The following COL23A1 variants were observed in gnomAD, a reference collection of about 807,000 sequenced individuals.
COL23A1 encodes the protein collagen alpha-1(XXIII) chain.
COL23A1 carries 97 observed loss-of-function variants against 99.3 expected under a neutral mutation model. The observed-to-expected ratio is 0.98, with a 90% CI of 0.83 to 1.16. The LOEUF is 1.16. Among genes scored for constraint, COL23A1 ranks in the 50% most tolerant of loss-of-function variants. COL23A1 has a pLI of 0.00. For synonymous variants in COL23A1, 320 were observed against 308.2 expected, an observed-to-expected ratio of 1.04 and a Z score of -0.40; for missense variants, 762 against 757.4, an observed-to-expected ratio of 1.01 and a Z score of -0.07.
chr5:178,590,388 C>A lies in COL23A1; in HGVS notation c.-191G>T, dbSNP rs1562120169. 5 of 385,834 alleles carry A rather than the reference C, an allele frequency of 1.3e-5. No homozygotes were observed. The highest frequency in any genetic ancestry group is 2.1e-5 in the African/African-American group (1 of 46,738). 23.9% of individuals were successfully genotyped at this position (385,834 alleles called of 1,614,324 possible). A position where few individuals can be genotyped will look rare whatever the true frequency, so the allele number is the denominator to read the frequency against. On this transcript the variant is annotated 5_prime_UTR_variant, in exon 1 of 29. Transcript: ENST00000390654. This position sits in a 1 kb window ranked among gnomAD's most constrained non-coding sequence, Gnocchi z 5.7. ...GCTCCTCCACAGCGGCCACTTTGGG[C>A]AGTTTCCTCTATGCAAATAGACCCT...
chr5:178,389,107 G>A (rs980479390), intron 2 of COL23A1, among the ~76,000 whole-genome samples: 9 of 152,008 alleles, frequency 5.9e-5, no homozygotes, highest in Middle Eastern at 3.4e-3. Context: ...TGGCTGTCAC[G>A]CTCCCGTTGC....
chr5:178,508,795 G>T (rs1759027287), intron 2 of COL23A1, among the ~76,000 whole-genome samples: 1 of 152,208 alleles, frequency 6.6e-6, no homozygotes, highest in Admixed American at 6.5e-5. Context: ...TGGCTAGAGA[G>T]CAGGCTTTTG....
chr5:178,451,403 C>T (rs1425408740), intron 2 of COL23A1, among the ~76,000 whole-genome samples: 1 of 152,066 alleles, frequency 6.6e-6, no homozygotes, highest in African/African-American at 2.4e-5. Flanking sequence ...CACCTGTAAT[C>T]CCAGCACTTT....
chr5:178,258,725 C>T lies in COL23A1; in HGVS notation c.729+996G>A, dbSNP rs1354833656. ...TTTTTTGGTTTTTGAGACAAGGTCT[C>T]GCGCTGTTATCCAGGCTGGAGTGCA... is the stretch of plus-strand genomic sequence containing the variant. On this transcript the variant is annotated intron_variant, in intron 12 of 28. Coordinates refer to ENST00000390654, the MANE Select transcript of COL23A1 (RefSeq NM_173465.4). Among the ~76,000 whole-genome samples the T allele has an allele frequency of 5.9e-5, 9 of 151,920 alleles. No homozygotes were observed. The East Asian group carries it at 1.6e-3, about 26-fold the overall frequency.
In COL23A1 at chr5:178,352,865, A is replaced by G. The variant is rs572694266; in HGVS notation, c.362-45946T>C. On this transcript the variant is annotated intron_variant, in intron 2 of 28. Transcript: ENST00000390654. ...ACGTCTGTTTGTCCATCCTCCTCAC[A>G]CCGAATATTTTGGGGAGAAAATAAT... is the stretch of plus-strand genomic sequence containing the variant. Among the ~76,000 whole-genome samples, 5 of 152,294 alleles carry G rather than the reference A, an allele frequency of 3.3e-5. 1 individual carries two copies. In the South Asian group the frequency reaches 6.2e-4, roughly 19 times the overall value.
intron 1 of COL23A1, among the ~76,000 whole-genome samples, chr5:178,582,956 C>G (rs1441226744): frequency 6.6e-6 from 1 of 152,226 alleles, no homozygotes; most frequent in Non-Finnish European, 1.5e-5. Context: ...AGACATTCGT[C>G]CCTTTCACTC....
chr5:178,431,980 A>G (rs1766290032), intron 2 of COL23A1, among the ~76,000 whole-genome samples: 1 of 152,240 alleles, frequency 6.6e-6, no homozygotes, highest in Non-Finnish European at 1.5e-5. Flanking sequence ...TTCTCTGGGC[A>G]AAGAACAGAA....
intron 2 of COL23A1, among the ~76,000 whole-genome samples, chr5:178,464,633 C>T (rs1476123006): frequency 6.6e-6 from 1 of 152,166 alleles, no homozygotes; most frequent in Non-Finnish European, 1.5e-5. Flanking sequence ...GCAGGAAAGC[C>T]GGCTCCGTGC....
At chr5:178,348,367 C>T (rs1249872053) in intron 2 of COL23A1, among the ~76,000 whole-genome samples, 3 of 152,198 alleles carry the variant, frequency 2.0e-5, no homozygotes, top group Non-Finnish European at 4.4e-5. Context: ...GAGGAGGGGA[C>T]ACCTCAGGCA....
intron 2 of COL23A1, among the ~76,000 whole-genome samples, chr5:178,372,473 G>A (rs1380601281): frequency 1.3e-5 from 2 of 152,240 alleles, no homozygotes; most frequent in Admixed American, 6.5e-5. Context: ...CAGGGCTGGA[G>A]AACCAAAGCA....
intron 2 of COL23A1, among the ~76,000 whole-genome samples, chr5:178,452,435 A>C (rs1323370977): frequency 2.0e-5 from 3 of 152,218 alleles, no homozygotes; most frequent in African/African-American, 7.2e-5. Flanking sequence ...GGAAGTTTGC[A>C]GTGATGAGAA....
intron 2 of COL23A1, among the ~76,000 whole-genome samples, chr5:178,511,332 G>C (rs2127994687): frequency 6.6e-6 from 1 of 152,274 alleles, no homozygotes; most frequent in East Asian, 1.9e-4. Context: ...TCTCAACATT[G>C]AGAAGTTCTC....
At chr5:178,498,280 AT>A (rs1339270316) in intron 2 of COL23A1, among the ~76,000 whole-genome samples, 3 of 141,886 alleles carry the variant, frequency 2.1e-5, no homozygotes, top group East Asian at 4.0e-4. Context: ...AAATAAAAAA[AT>A]AAAAATAAAA....
chr5:178,356,060 C>T (rs899178806), intron 2 of COL23A1, among the ~76,000 whole-genome samples: 3 of 152,174 alleles, frequency 2.0e-5, no homozygotes, highest in African/African-American at 4.8e-5. Flanking sequence ...GTGCTGAGCA[C>T]GCTGCAGCAT....
In COL23A1 at chr5:178,366,201, G is replaced by T. The variant is rs1449321494; in HGVS notation, c.362-59282C>A. 6.6e-6 allele frequency among the ~76,000 whole-genome samples: 1 copy of T among 152,184 alleles called. No homozygotes were observed. The highest frequency in any genetic ancestry group is 1.5e-5 in the Non-Finnish European group (1 of 68,032). ...TCACCTCTTCCTCCCCGGAGCCCAG[G>T]GTTCACTCTGCAACTCTGCTGGCTG... On this transcript the variant is annotated intron_variant, in intron 2 of 28. Coordinates refer to ENST00000390654, the MANE Select transcript of COL23A1 (RefSeq NM_173465.4). The surrounding 1 kb of genome is among the most constrained non-coding windows in gnomAD (Gnocchi z 4.4).
At chr5:178,271,826 G>A (rs1435003563) in intron 5 of COL23A1, among the ~76,000 whole-genome samples, 1 of 152,202 alleles carries the variant, frequency 6.6e-6, no homozygotes, top group Admixed American at 6.5e-5. Context: ...GGCGGGGAGG[G>A]CCCTGTAAGC....
rs560134845 is a variant in COL23A1, at chr5:178,258,443, T to C, written c.730-876A>G. ...GGTGAGTCTCACTCTGTCGCCCAGG[T>C]TGGAGTGCAGTGGCACAATCTCGGC... On this transcript the variant is annotated intron_variant, in intron 12 of 28. Coordinates refer to ENST00000390654, the MANE Select transcript of COL23A1 (RefSeq NM_173465.4). Among the ~76,000 whole-genome samples the C allele has an allele frequency of 2.4e-3, 313 of 129,918 alleles. 1 individual carries two copies. Among genetic ancestry groups the C allele is most frequent in the Non-Finnish European group, 3.4e-3 (214 of 63,012 alleles). The allele number at this position is 129,918 out of a possible 152,430, so 85.2% of individuals were successfully genotyped here. A position where few individuals can be genotyped will look rare whatever the true frequency, so the allele number is the denominator to read the frequency against.
intron 2 of COL23A1, among the ~76,000 whole-genome samples, chr5:178,440,764 C>T (rs1336798737): frequency 1.2e-4 from 18 of 151,726 alleles, no homozygotes; most frequent in Non-Finnish European, 1.8e-4. Flanking sequence ...TACAGGTGCC[C>T]GCCACCATGC....
intron 2 of COL23A1, among the ~76,000 whole-genome samples, chr5:178,350,479 AGGGGTGGCT>A (rs1489837306): frequency 6.6e-6 from 1 of 152,054 alleles, no homozygotes; most frequent in Non-Finnish European, 1.5e-5. Context: ...GGATGAACAG[AGGGGTGGCT>A]GGGCCCAGCG....
Sources: gnomAD v4.1 joint callset for allele counts (sites outside exome capture counted in the v4.1 genomes callset) on GRCh38, gnomAD v4.1.1 for gene constraint, Gnocchi (gnomAD v3.1) non-coding constraint, MANE v1.5 for transcripts, NCBI Gene and HGNC (gene_info 2026-07-23, HGNC 2026-07-21) for gene names.